Variants in ATP1A2 observed in about 807,000 individuals in gnomAD.
ATP1A2 encodes ATPase Na+/K+ transporting subunit alpha 2, also known as sodium/potassium-transporting ATPase subunit alpha-2.
Under a neutral mutation model 113.1 loss-of-function variants are expected in ATP1A2, and 56 were observed. The observed-to-expected ratio is 0.49, with a 90% CI of 0.40 to 0.62. The LOEUF (loss-of-function observed/expected upper bound fraction) is 0.62, where lower values mean the gene tolerates loss of function less well. Among genes scored for constraint, ATP1A2 ranks in the 20% least tolerant of loss-of-function variants. The pLI, the probability that ATP1A2 is intolerant of heterozygous loss-of-function variation, is 0.00. For missense variants in ATP1A2, 712 were observed against 1,357.8 expected (o/e 0.52, Z 7.47); for synonymous variants, 490 against 526.8 (o/e 0.93, Z 0.96).
In ATP1A2 at chr1:160,136,312, C is replaced by G; in HGVS notation, c.2505C>G (p.Asn835Lys). ...ATATCATGAAGCGGCAGCCACGAAA[C>G]TCCCAGACGGACAAGCTGGTGAATG... The part of the protein sequence containing the change: ...ESDIMKRQPR[N>K]SQTDKLVNER... The change falls in exon 18 of 23, where the codon AAC (asparagine) becomes AAG (lysine). Residue 835 changes from asparagine (N) to lysine (K), a missense_variant. Physicochemically the swap from Asn to Lys is moderately conservative, Grantham distance 94. Transcript: ENST00000361216. The G allele has an allele frequency of 6.2e-7, 1 of 1,614,204 alleles. No individual in the cohort carries two copies. Among genetic ancestry groups the G allele is most frequent in the Non-Finnish European group, 8.5e-7 (1 of 1,180,020 alleles).
chr1:160,124,977 G>A (rs972513893), intron 6 of ATP1A2, among the ~76,000 whole-genome samples, 159 bp from the exon 7 acceptor site: 1 of 152,160 alleles, frequency 6.6e-6, no homozygotes, highest in Non-Finnish European at 1.5e-5. Flanking sequence ...CCAGGGCAGG[G>A]GCAATAGATG....
intron 20 of ATP1A2, 153 bp downstream of exon 20, chr1:160,137,184 T>G: frequency 7.7e-7 from 1 of 1,293,530 alleles, no homozygotes; most frequent in Non-Finnish European, 1.1e-6. Flanking sequence ...ATAGGTTTCA[T>G]ATAGAAGAGA....
intron 1 of ATP1A2, among the ~76,000 whole-genome samples, chr1:160,118,411 G>T (rs1651258097): frequency 6.6e-6 from 1 of 152,160 alleles, no homozygotes; most frequent in Non-Finnish European, 1.5e-5. Context: ...TCCCTTGATT[G>T]CATTTCTTCC....
intron 1 of ATP1A2, 107 bp downstream of exon 1, chr1:160,115,980 G>A (rs1010426762): frequency 6.6e-7 from 1 of 1,508,552 alleles, no homozygotes; most frequent in Non-Finnish European, 9.0e-7. Context: ...GAGGAGCTGA[G>A]TGGGATACTT....
intron 7 of ATP1A2, among the ~76,000 whole-genome samples, chr1:160,126,513 A>G (rs1651592183): frequency 6.6e-6 from 1 of 152,292 alleles, no homozygotes; most frequent in East Asian, 1.9e-4. Flanking sequence ...TTTGTCACCC[A>G]GACTGGAGTG....
Position 160,141,375 on chromosome 1 carries a change from G to T in ATP1A2, c.*53G>T, listed in dbSNP as rs1652144080. 1.2e-6 allele frequency: 2 copies of T among 1,606,146 alleles called. No homozygotes were observed. The highest frequency in any genetic ancestry group is 2.2e-5 in the East Asian group (1 of 44,866). On this transcript the variant is annotated 3_prime_UTR_variant, in exon 23 of 23. Coordinates refer to ENST00000361216, the MANE Select transcript of ATP1A2 (RefSeq NM_000702.4). Reference sequence around the variant, plus strand: ...AAAGATGGGGAGCTCTGGAGGTGTTGTGGGGATGGTGATGGAGAGGGATGG... The same window carrying T: ...AAAGATGGGGAGCTCTGGAGGTGTTTTGGGGATGGTGATGGAGAGGGATGG...
Position 160,127,703 on chromosome 1 carries a change from G to A in ATP1A2, c.900G>A (p.Leu300=). The A allele has an allele frequency of 6.2e-7, 1 of 1,614,214 alleles. No individual in the cohort carries two copies. Among genetic ancestry groups the A allele is most frequent in the Non-Finnish European group, 8.5e-7 (1 of 1,180,028 alleles). The stretch of plus-strand genomic sequence containing the variant: ...TGATCACAGGGGTCGCTGTATTCCT[G>A]GGGGTCTCCTTCTTCGTGCTCTCCC... The part of the protein sequence containing the change: ...IQLITGVAVF[L]GVSFFVLSLI... Residue 300 remains leucine, a synonymous_variant, in exon 8 of 23, where the codon CTG becomes CTA. Transcript: ENST00000361216.
chr1:160,127,521 G>A (rs376500812), intron 7 of ATP1A2, 31 bp from the exon 8 acceptor site: 2 of 1,613,768 alleles, frequency 1.2e-6, no homozygotes, highest in African/African-American at 1.3e-5. Context: ...GAGCCACAAG[G>A]CACCCAACCT....
At chr1:160,124,719 T>C (rs1651529430) in intron 6 of ATP1A2, among the ~76,000 whole-genome samples, 1 of 152,222 alleles carries the variant, frequency 6.6e-6, no homozygotes, top group Non-Finnish European at 1.5e-5. Context: ...TTCGATGTGC[T>C]ATCTGATGTA....
intron 13 of ATP1A2, among the ~76,000 whole-genome samples, chr1:160,131,492 C>A (rs1266529522): frequency 6.6e-6 from 1 of 152,084 alleles, no homozygotes; most frequent in Admixed American, 6.5e-5. Context: ...AACCCCATAA[C>A]CACTCTGTCT....
intron 9 of ATP1A2, 30 bp from the exon 10 acceptor site, chr1:160,128,945 AGCCAC>A (rs752658769): frequency 6.3e-7 from 1 of 1,595,028 alleles, no homozygotes; most frequent in South Asian, 1.1e-5. Flanking sequence ...CTCTAAAGGG[AGCCAC>A]GCTCCTGGTT....
At chr1:160,140,109 C>T in intron 22 of ATP1A2, 125 bp downstream of exon 22, 1 of 1,008,766 alleles carries the variant, frequency 9.9e-7, no homozygotes, top group Non-Finnish European at 1.5e-6. Context: ...CCCTCAGATC[C>T]TGGGGTCCCA....
chr1:160,119,600 GA>G (rs1050383310), intron 1 of ATP1A2, among the ~76,000 whole-genome samples: 4 of 152,104 alleles, frequency 2.6e-5, no homozygotes, highest in Non-Finnish European at 5.9e-5. Flanking sequence ...CTCTTAGAAG[GA>G]AAGATTTCCC....
chr1:160,141,613 C>T lies in ATP1A2; in HGVS notation c.*291C>T. The T allele has an allele frequency of 2.2e-6, 1 of 463,294 alleles. No homozygotes were observed. Among genetic ancestry groups the T allele is most frequent in the Non-Finnish European group, 4.0e-6 (1 of 250,054 alleles). 28.7% of individuals were successfully genotyped at this position (463,294 alleles called of 1,614,324 possible). A position where few individuals can be genotyped will look rare whatever the true frequency, so the allele number is the denominator to read the frequency against. Reference sequence around the variant, plus strand: ...ATTTTTTCTGAGGAATTAAGGGTTACCCCACCCTGCCCACTCCCATCCCTT... The same window carrying T: ...ATTTTTTCTGAGGAATTAAGGGTTATCCCACCCTGCCCACTCCCATCCCTT... On this transcript the variant is annotated 3_prime_UTR_variant, in exon 23 of 23. Coordinates refer to ENST00000361216, the MANE Select transcript of ATP1A2 (RefSeq NM_000702.4).
At chr1:160,123,166 G>T in intron 3 of ATP1A2, 47 bp from the exon 4 acceptor site, 1 of 1,605,118 alleles carries the variant, frequency 6.2e-7, no homozygotes, top group South Asian at 1.1e-5. Context: ...GTGACTGGCT[G>T]GGTTGGCTCC....
chr1:160,130,475 G>A lies in ATP1A2; in HGVS notation c.1705G>A (p.Asp569Asn), dbSNP rs1409103763. ...SGKFPRGFKF[D>N]TDELNFPTEK... ...AAAGTTTCCTCGGGGCTTCAAATTC[G>A]ACACGGATGAGCTGAACTTTCCCAC... Residue 569 changes from aspartate (D) to asparagine (N), a missense_variant, in exon 13 of 23, where the codon GAC becomes AAC. Transcript: ENST00000361216. 5.0e-6 allele frequency: 8 copies of A among 1,614,070 alleles called. No individual in the cohort carries two copies. Among genetic ancestry groups the A allele is most frequent in the Non-Finnish European group, 6.8e-6 (8 of 1,180,038 alleles).
chr1:160,125,798 C>G, intron 7 of ATP1A2, among the ~76,000 whole-genome samples: 1 of 152,198 alleles, frequency 6.6e-6, no homozygotes, highest in East Asian at 1.9e-4. Context: ...ACAGACTACC[C>G]AGTTTGCCCC....
chr1:160,130,283 G>A lies in ATP1A2; in HGVS notation c.1643G>A (p.Arg548His), dbSNP rs121918616. Reference sequence around the variant, plus strand: ...ATGGAGCTGGGGGGACTTGGGGAGCGTGTGCTGGGTGAGAGGCCAGAAACA... The same window carrying A: ...ATGGAGCTGGGGGGACTTGGGGAGCATGTGCTGGGTGAGAGGCCAGAAACA... The part of the protein sequence containing the change: ...AYMELGGLGE[R>H]VLGFCQLNLP... Residue 548 changes from arginine (R) to histidine (H), a missense_variant, in exon 12 of 23, where the codon CGT (arginine) becomes CAT (histidine). By Grantham distance (29) the Arg-to-His change is conservative (BLOSUM62 0). Transcript: ENST00000361216. 1.9e-6 allele frequency: 3 copies of A among 1,614,174 alleles called. No homozygotes were observed. The highest frequency in any genetic ancestry group is 2.5e-6 in the Non-Finnish European group (3 of 1,180,034).
rs575480986 is a variant in ATP1A2, at chr1:160,121,096, T to TC, written c.117+91dup. Reference sequence around the variant, plus strand: ...CCATTGCACTCAGAGAAACTCCGTGTCCCCCATGCTGCTCAACTCACCCCT... The same window carrying TC: ...CCATTGCACTCAGAGAAACTCCGTGTCCCCCCATGCTGCTCAACTCACCCCT... On this transcript the variant is annotated intron_variant, in intron 2 of 22. Coordinates refer to ENST00000361216, the MANE Select transcript of ATP1A2 (RefSeq NM_000702.4). The TC allele has an allele frequency of 1.5e-4, 243 of 1,601,398 alleles. 1 individual carries two copies. The highest frequency in any genetic ancestry group is 1.2e-3 in the Admixed American group (72 of 60,000).
Sources: allele counts gnomAD v4.1 joint callset (sites outside exome capture counted in the v4.1 genomes callset), GRCh38; gene constraint gnomAD v4.1.1; transcripts MANE v1.5; gene names NCBI Gene and HGNC (gene_info 2026-07-23, HGNC 2026-07-21).